PIGK: variants seen among roughly 807,000 people sequenced by gnomAD.
PIGK encodes the protein GPI-anchor transamidase.
In PIGK, 42 loss-of-function variants were observed where a neutral mutation model predicts 50.6. The observed-to-expected ratio is 0.83, with a 90% CI of 0.65 to 1.07. PIGK has a LOEUF of 1.07. Among genes scored for constraint, PIGK ranks in the 50% least tolerant of loss-of-function variants. The probability of loss-of-function intolerance (pLI) is 0.00; values close to 1 mark genes in which losing one functional copy is unlikely to be tolerated. For synonymous variants in PIGK, 151 were observed against 156.0 expected (o/e 0.97, Z 0.24); for missense variants, 448 against 488.7 (o/e 0.92, Z 0.78).
intron 10 of PIGK, among the ~76,000 whole-genome samples, chr1:77,120,512 G>A (rs1049448087): frequency 6.6e-6 from 1 of 152,096 alleles, no homozygotes; most frequent in South Asian, 2.1e-4. Context: ...GGGATACCAC[G>A]TGCCCGGCCA....
At chr1:77,212,185 A>G (rs1023389831) in intron 1 of PIGK, among the ~76,000 whole-genome samples, 2 of 152,132 alleles carry the variant, frequency 1.3e-5, no homozygotes, top group Admixed American at 6.6e-5. Context: ...TTTTGATTAT[A>G]TATTAAAATA....
intron 3 of PIGK, among the ~76,000 whole-genome samples, chr1:77,181,822 T>A (rs980449318): frequency 6.6e-6 from 1 of 152,210 alleles, no homozygotes; most frequent in Admixed American, 6.5e-5. Flanking sequence ...AGCAGCTTAA[T>A]GCCAGGGTAA....
chr1:77,089,148 C>G lies in PIGK; in HGVS notation c.*3226G>C, dbSNP rs1210066589. 6.6e-6 allele frequency: 1 copy of G among 152,132 alleles called. No individual in the cohort carries two copies. The highest frequency in any genetic ancestry group is 1.5e-5 in the Non-Finnish European group (1 of 68,034). 9.4% of individuals were successfully genotyped at this position (152,132 alleles called of 1,614,324 possible). A position where few individuals can be genotyped will look rare whatever the true frequency, so the allele number is the denominator to read the frequency against. Reference sequence around the variant, plus strand: ...AAGAAAAAAAAATAAAAATAAAAGCCTGGTTACCACCAAGGTGTATTGTCC... The same window carrying G: ...AAGAAAAAAAAATAAAAATAAAAGCGTGGTTACCACCAAGGTGTATTGTCC... On this transcript the variant is annotated 3_prime_UTR_variant, in exon 11 of 11. Transcript: ENST00000370812.
intron 10 of PIGK, among the ~76,000 whole-genome samples, chr1:77,093,453 C>T (rs981867913): frequency 3.3e-5 from 5 of 152,080 alleles, no homozygotes; most frequent in African/African-American, 1.2e-4. Context: ...ATTAGAATCA[C>T]ATTTTAGACA....
chr1:77,166,533 A>C (rs1655238802), intron 5 of PIGK, among the ~76,000 whole-genome samples, 186 bp downstream of exon 5: 1 of 152,178 alleles, frequency 6.6e-6, no homozygotes, highest in Non-Finnish European at 1.5e-5. Flanking sequence ...AAAATCAGGA[A>C]CAGCACAAAA....
At chr1:77,166,170 T>A (rs936837713) in intron 5 of PIGK, among the ~76,000 whole-genome samples, 3 of 152,194 alleles carry the variant, frequency 2.0e-5, no homozygotes, top group Admixed American at 6.6e-5. Context: ...TATATTATAT[T>A]ATGGTACACT....
intron 2 of PIGK, among the ~76,000 whole-genome samples, chr1:77,210,126 A>T (rs1419403037): frequency 2.6e-5 from 4 of 152,080 alleles, no homozygotes; most frequent in Admixed American, 2.0e-4. Flanking sequence ...TATAAATAAC[A>T]GATGCAATTA....
Position 77,120,517 on chromosome 1 carries a change from C to T in PIGK, c.1071+1758G>A, listed in dbSNP as rs958542665. Among the ~76,000 whole-genome samples the T allele has an allele frequency of 3.2e-4, 48 of 152,220 alleles. 1 individual carries two copies. Among genetic ancestry groups the T allele is most frequent in the East Asian group, 3.9e-4 (2 of 5,180 alleles). On this transcript the variant is annotated intron_variant, in intron 10 of 10. Coordinates refer to ENST00000370812, the MANE Select transcript of PIGK (RefSeq NM_005482.3). Reference sequence around the variant, plus strand: ...TTATAGGCATGGGATACCACGTGCCCGGCCAAAATTTGCTTTTAAATAACG... The same window carrying T: ...TTATAGGCATGGGATACCACGTGCCTGGCCAAAATTTGCTTTTAAATAACG...
At chr1:77,146,140 GA>G (rs1336894256) in intron 9 of PIGK, among the ~76,000 whole-genome samples, 2 of 149,506 alleles carry the variant, frequency 1.3e-5, no homozygotes, top group Non-Finnish European at 3.0e-5. Context: ...TGTCCATATG[GA>G]AAAAAAAATG....
chr1:77,165,753 T>TC lies in PIGK; in HGVS notation c.487+965dup, dbSNP rs1400468455. On this transcript the variant is annotated intron_variant, in intron 5 of 10. Transcript: ENST00000370812. ...TAACATGGGCATGCACAGAGGAAAG[T>TC]CCAGACCAGCCAAGGAGAAGAGAAA... 4.6e-5 allele frequency among the ~76,000 whole-genome samples: 7 copies of TC among 152,034 alleles called. No individual in the cohort carries two copies. In the East Asian group the frequency reaches 1.2e-3, roughly 25 times the overall value.
chr1:77,120,920 G>A (rs1304241929), intron 10 of PIGK, among the ~76,000 whole-genome samples: 1 of 151,972 alleles, frequency 6.6e-6, no homozygotes, highest in Non-Finnish European at 1.5e-5. Context: ...TTTTTATCTT[G>A]GAATTCACAC....
intron 9 of PIGK, among the ~76,000 whole-genome samples, chr1:77,133,945 C>G (rs999900603): frequency 1.3e-5 from 2 of 152,136 alleles, no homozygotes; most frequent in African/African-American, 4.8e-5. Context: ...ATCACTCTGT[C>G]CCCGTTAGTA....
intron 5 of PIGK, among the ~76,000 whole-genome samples, chr1:77,165,958 A>G (rs2100558518): frequency 6.6e-6 from 1 of 152,280 alleles, no homozygotes; most frequent in East Asian, 1.9e-4. Context: ...CTCCTGAGCT[A>G]AAACTAAAAC....
At chr1:77,173,408 G>C (rs542428450) in intron 3 of PIGK, among the ~76,000 whole-genome samples, 6 of 152,056 alleles carry the variant, frequency 3.9e-5, no homozygotes, top group Non-Finnish European at 7.4e-5. Context: ...TTGCAAAATT[G>C]AGATAATTTT....
At chr1:77,202,465 A>T (rs1239123423) in intron 3 of PIGK, among the ~76,000 whole-genome samples, 3 of 152,184 alleles carry the variant, frequency 2.0e-5, no homozygotes, top group African/African-American at 7.2e-5. Flanking sequence ...CGACCAGTGC[A>T]AGGTAATGAA....
chr1:77,216,758 G>C (rs1458818868), intron 1 of PIGK, among the ~76,000 whole-genome samples: 1 of 152,054 alleles, frequency 6.6e-6, no homozygotes, highest in Non-Finnish European at 1.5e-5. Flanking sequence ...CTAAAATTTA[G>C]GTCCTATCTC....
At chr1:77,167,986 T>TA (rs1287816389) in intron 4 of PIGK, among the ~76,000 whole-genome samples, 1 of 151,748 alleles carries the variant, frequency 6.6e-6, no homozygotes, top group Non-Finnish European at 1.5e-5. Context: ...AACCTGCACA[T>TA]ATATCCCCTG....
rs779518281 is a variant in PIGK at position 77,129,625 on chromosome 1, C to T, written c.987-7266G>A. 9 of 1,534,212 alleles carry T rather than the reference C, an allele frequency of 5.9e-6. No homozygotes were observed. The Admixed American group carries it at 8.5e-5, about 15-fold the overall frequency. ...GAGGTTGCCCAGAAGAAAAAGATATCCCAGAAGAAACTGAAGAAACAAAAA... is the reference window on the plus strand; with the variant it reads ...GAGGTTGCCCAGAAGAAAAAGATATTCCAGAAGAAACTGAAGAAACAAAAA... On this transcript the variant is annotated intron_variant, in intron 9 of 10. Coordinates refer to ENST00000370812, the MANE Select transcript of PIGK (RefSeq NM_005482.3).
At chr1:77,180,728 T>C (rs964677547) in intron 3 of PIGK, among the ~76,000 whole-genome samples, 1 of 151,804 alleles carries the variant, frequency 6.6e-6, no homozygotes, top group Non-Finnish European at 1.5e-5. Context: ...GGGGGGGGCT[T>C]CCAGGTCATA....
Sources: allele counts gnomAD v4.1 joint callset (sites outside exome capture counted in the v4.1 genomes callset), GRCh38; gene constraint gnomAD v4.1.1; transcripts MANE v1.5; gene names NCBI Gene and HGNC (gene_info 2026-07-23, HGNC 2026-07-21).